Variants in PARG observed in about 807,000 individuals in gnomAD.
PARG encodes mitochondrial poly(ADP-ribose) glycohydrolase.
A neutral mutation model predicts 113.0 loss-of-function variants in PARG; 35 were observed. The observed-to-expected ratio is 0.31, with a 90% confidence interval of 0.24 to 0.41. PARG has a LOEUF of 0.41. PARG is among the 10% of genes least tolerant of loss of function. The probability of loss-of-function intolerance (pLI) is 1.00; values close to 1 mark genes in which losing one functional copy is unlikely to be tolerated. For synonymous variants in PARG, 330 were observed against 409.9 expected, an observed-to-expected ratio of 0.81 and a Z score of 2.36; for missense variants, 797 against 1,169.4, an observed-to-expected ratio of 0.68 and a Z score of 4.64.
At chr10:49,881,704 A>G (rs1222773091) in intron 8 of PARG, among the ~76,000 whole-genome samples, 1 of 152,378 alleles carries the variant, frequency 6.6e-6, no homozygotes, top group East Asian at 1.9e-4. Context: ...CACTGCTAGA[A>G]TAAGAGTTTG....
intron 7 of PARG, among the ~76,000 whole-genome samples, chr10:49,895,265 A>T (rs1322560819): frequency 6.6e-6 from 1 of 152,196 alleles, no homozygotes; most frequent in Non-Finnish European, 1.5e-5. Flanking sequence ...GTTAGTCTGC[A>T]AACTCTGCCC....
chr10:49,820,359 AC>A, intron 16 of PARG, 66 bp from the exon 17 acceptor site: 1 of 1,153,756 alleles, frequency 8.7e-7, no homozygotes, highest in Non-Finnish European at 1.2e-6. Context: ...TTAGCTCTTT[AC>A]CAGCTGGTGT....
At chr10:49,932,309 T>C in intron 3 of PARG, 26 bp from the exon 4 acceptor site, 2 of 1,350,372 alleles carry the variant, frequency 1.5e-6, no homozygotes, top group Non-Finnish European at 2.1e-6. Context: ...ATGTATTTAG[T>C]CACAAATTAT....
In PARG at chr10:49,935,543, A is replaced by T. The variant is rs1564670231; in HGVS notation, c.218-401T>A. ...TAAGTAAAAATAGTTCATGTAAAGCATTTAGGGCATTATCTGGTTTACGCT... is the reference window on the plus strand; with the variant it reads ...TAAGTAAAAATAGTTCATGTAAAGCTTTTAGGGCATTATCTGGTTTACGCT... On this transcript the variant is annotated intron_variant, in intron 1 of 17. Transcript: ENST00000616448. 2.0e-5 allele frequency among the ~76,000 whole-genome samples: 3 copies of T among 152,378 alleles called. No homozygotes were observed. The South Asian group carries it at 6.2e-4, about 32-fold the overall frequency.
At chr10:49,899,394 C>A (rs1248144805) in intron 7 of PARG, among the ~76,000 whole-genome samples, 489 of 151,816 alleles carry the variant, frequency 3.2e-3, no homozygotes, top group East Asian at 0.013. Context: ...CTTTGAAGAG[C>A]AGAATGTGAC....
chr10:49,928,759 C>T (rs1389953190), intron 4 of PARG, among the ~76,000 whole-genome samples: 5 of 152,304 alleles, frequency 3.3e-5, no homozygotes, highest in East Asian at 1.9e-4. Context: ...CCTGCCTTGG[C>T]GTCCTAAAGT....
intron 16 of PARG, among the ~76,000 whole-genome samples, chr10:49,824,321 GC>G (rs1844246278): frequency 6.6e-6 from 1 of 152,066 alleles, no homozygotes; most frequent in South Asian, 2.1e-4. Flanking sequence ...ACACAATTAT[GC>G]CTCATGATTT....
At chr10:49,882,333 G>A (rs1847255621) in intron 8 of PARG, among the ~76,000 whole-genome samples, 2 of 150,064 alleles carry the variant, frequency 1.3e-5, no homozygotes, top group Admixed American at 1.3e-4. Flanking sequence ...TTACCCTTTA[G>A]ATTTGGCCTA....
intron 7 of PARG, among the ~76,000 whole-genome samples, chr10:49,899,505 T>C (rs1268842828): frequency 6.6e-6 from 1 of 152,210 alleles, no homozygotes; most frequent in African/African-American, 2.4e-5. Flanking sequence ...GTATCGCCCA[T>C]GACAATTATG....
intron 13 of PARG, among the ~76,000 whole-genome samples, chr10:49,856,914 CAGG>C (rs1189940553): frequency 6.8e-6 from 1 of 146,448 alleles, no homozygotes; most frequent in Non-Finnish European, 1.5e-5. Context: ...GAGGCTGAGG[CAGG>C]AGAATCGCTT....
chr10:49,832,877 G>A lies in PARG; in HGVS notation c.2573C>T (p.Ser858Phe), dbSNP rs1554830529. 1.3e-6 allele frequency: 2 copies of A among 1,550,400 alleles called. No homozygotes were observed. The highest frequency in any genetic ancestry group is 1.7e-6 in the Non-Finnish European group (2 of 1,145,928). Residue 858 changes from serine to phenylalanine, a missense_variant, in exon 16 of 18, where the codon TCT becomes TTT. Transcript: ENST00000616448. ...AYCGFLRPGVSSENLSAVATG... is the reference protein window; with the variant it reads ...AYCGFLRPGVFSENLSAVATG... ...GGCCACTGCAGAAAGATTCTCTGAA[G>A]AAACTCCAGGACGGAGAAATCCACA...
intron 7 of PARG, among the ~76,000 whole-genome samples, chr10:49,897,733 G>C (rs1216445598): frequency 6.6e-6 from 1 of 152,194 alleles, no homozygotes; most frequent in Non-Finnish European, 1.5e-5. Context: ...GGTGGTTGGG[G>C]GCAGTGGCTC....
At chr10:49,939,151 C>T (rs1438740962) in intron 1 of PARG, among the ~76,000 whole-genome samples, 7 of 152,204 alleles carry the variant, frequency 4.6e-5, no homozygotes, top group Non-Finnish European at 8.8e-5. Flanking sequence ...AGCTGAAGTA[C>T]ACCTGAACGT....
chr10:49,888,847 A>G (rs1422641523), intron 7 of PARG, among the ~76,000 whole-genome samples: 2 of 152,110 alleles, frequency 1.3e-5, no homozygotes, highest in African/African-American at 2.4e-5. Flanking sequence ...CTGTCCACAC[A>G]AAGACACAAA....
At chr10:49,864,128 T>C (rs2132551826) in intron 11 of PARG, among the ~76,000 whole-genome samples, 1 of 151,838 alleles carries the variant, frequency 6.6e-6, no homozygotes, top group Admixed American at 6.6e-5. Flanking sequence ...CTGCCATCAC[T>C]GAAGCTATCC....
At chr10:49,842,903 G>C (rs1845315184) in intron 14 of PARG, among the ~76,000 whole-genome samples, 1 of 152,058 alleles carries the variant, frequency 6.6e-6, no homozygotes, top group Non-Finnish European at 1.5e-5. Flanking sequence ...ATAAATTTGT[G>C]GCACGTGGGC....
chr10:49,879,918 A>G (rs1329373780), intron 8 of PARG, 88 bp from the exon 9 acceptor site: 7 of 631,774 alleles, frequency 1.1e-5, no homozygotes, highest in Non-Finnish European at 2.0e-5. Context: ...TGCATTTGCT[A>G]AATTAAGGCA....
chr10:49,904,972 T>C (rs1301525300), intron 7 of PARG, among the ~76,000 whole-genome samples: 2 of 152,194 alleles, frequency 1.3e-5, no homozygotes, highest in African/African-American at 2.4e-5. Flanking sequence ...GTGATAGTCA[T>C]GCTGAACACT....
chr10:49,876,816 G>C (rs1390256734), intron 9 of PARG, among the ~76,000 whole-genome samples: 1 of 149,942 alleles, frequency 6.7e-6, no homozygotes. Flanking sequence ...TTGTACATTT[G>C]AACTAAACAT....
Sources: allele counts gnomAD v4.1 joint callset (sites outside exome capture counted in the v4.1 genomes callset), GRCh38; gene constraint gnomAD v4.1.1; transcripts MANE v1.5; gene names NCBI Gene and HGNC (gene_info 2026-07-23, HGNC 2026-07-21).